The following SPATA13 variants were observed in gnomAD, a reference collection of about 807,000 sequenced individuals.
SPATA13 encodes spermatogenesis-associated protein 13.
A neutral mutation model predicts 104.0 loss-of-function variants in SPATA13; 50 were observed. The ratio of observed to expected loss-of-function variants is 0.48; its 90% CI spans 0.38 to 0.61. SPATA13 has a LOEUF of 0.61. Among genes scored for constraint, SPATA13 ranks in the 20% least tolerant of loss-of-function variants. The probability of loss-of-function intolerance (pLI) is 0.00; values close to 1 mark genes in which losing one functional copy is unlikely to be tolerated. For synonymous variants in SPATA13, 606 were observed against 667.5 expected (o/e 0.91, Z 1.42); for missense variants, 1,524 against 1,690.6 (o/e 0.90, Z 1.73).
chr13:24,252,548 A>G (rs1873552396), intron 4 of SPATA13, among the ~76,000 whole-genome samples: 1 of 152,198 alleles, frequency 6.6e-6, no homozygotes. Context: ...ATGGCAGAAG[A>G]TTTTGAAAGA....
intron 3 of SPATA13, among the ~76,000 whole-genome samples, chr13:24,055,123 T>C (rs937121096): frequency 7.2e-5 from 11 of 152,354 alleles, no homozygotes; most frequent in Middle Eastern, 3.4e-3. Flanking sequence ...GCTTTACATA[T>C]ATGGCACAGA....
intron 4 of SPATA13, among the ~76,000 whole-genome samples, chr13:24,263,982 A>G (rs941578997): frequency 1.3e-5 from 2 of 152,248 alleles, no homozygotes; most frequent in Non-Finnish European, 2.9e-5. Flanking sequence ...TATGGCCTTT[A>G]GTGCCCAAAA....
chr13:24,122,021 C>T, intron 3 of SPATA13: 2 of 1,344,588 alleles, frequency 1.5e-6, no homozygotes, highest in South Asian at 2.3e-5. Flanking sequence ...AGGACGAACA[C>T]AAGCTCTTCA....
intron 3 of SPATA13, among the ~76,000 whole-genome samples, chr13:24,134,859 G>A (rs899984194): frequency 2.0e-5 from 3 of 152,208 alleles, no homozygotes; most frequent in African/African-American, 7.2e-5. Context: ...ACGTCAGGAT[G>A]TGACCTTATT....
intron 1 of SPATA13, among the ~76,000 whole-genome samples, chr13:24,192,281 A>G (rs967039425): frequency 9.9e-5 from 15 of 152,154 alleles, no homozygotes; most frequent in Non-Finnish European, 1.3e-4. Context: ...TCAAAAGCAC[A>G]TTCTAAGTTA....
At position 24,247,947 on chromosome 13, in the gene SPATA13, C is replaced by T. The variant is rs573860459; in HGVS notation, c.1654-1530C>T. On this transcript the variant is annotated intron_variant, in intron 2 of 12. Coordinates refer to ENST00000382108, the MANE Select transcript of SPATA13 (RefSeq NM_001166271.3). ...TCTCAAGGAGGGAGCCGGTGGGCTG[C>T]GGCACAAGCTCTGTGAGCTCCCAGG... 1.1e-3 allele frequency among the ~76,000 whole-genome samples: 164 copies of T among 152,274 alleles called. 1 individual carries two copies. Among genetic ancestry groups the T allele is most frequent in the African/African-American group, 3.8e-3 (157 of 41,566 alleles).
chr13:24,185,140 C>T (rs776200283), intron 1 of SPATA13, among the ~76,000 whole-genome samples: 5 of 152,174 alleles, frequency 3.3e-5, no homozygotes, highest in Non-Finnish European at 7.3e-5. Flanking sequence ...GCCACCTTTC[C>T]TAATCATAAG....
intron 3 of SPATA13, among the ~76,000 whole-genome samples, chr13:24,030,341 T>G (rs992948822): frequency 2.0e-5 from 3 of 152,186 alleles, no homozygotes; most frequent in African/African-American, 7.2e-5. Context: ...TTTTATTTGG[T>G]AAAACTGAAA....
At chr13:24,042,972 G>A (rs1486774735) in intron 3 of SPATA13, among the ~76,000 whole-genome samples, 1 of 152,202 alleles carries the variant, frequency 6.6e-6, no homozygotes, top group African/African-American at 2.4e-5. Context: ...ATCCTCAAGT[G>A]GCCTGGGTTG....
intron 12 of SPATA13, among the ~76,000 whole-genome samples, chr13:24,301,564 C>T (rs1243153474): frequency 2.6e-5 from 4 of 152,220 alleles, no homozygotes; most frequent in Non-Finnish European, 2.9e-5. Flanking sequence ...TTCTCAAGAA[C>T]GGAAGGACTG....
chr13:24,144,903 C>T (rs937445265), intron 3 of SPATA13, among the ~76,000 whole-genome samples: 3 of 152,190 alleles, frequency 2.0e-5, no homozygotes, highest in Admixed American at 6.5e-5. Context: ...ATGCTGCCCA[C>T]TTTCCAATAA....
At position 24,290,810 on chromosome 13, in the gene SPATA13, C is replaced by T; in HGVS notation, c.3006C>T (p.Leu1002=). Residue 1002 remains leucine (L), a synonymous_variant, in exon 9 of 13, where the codon CTC becomes CTT. Transcript: ENST00000382108. ...ACATCGCCATCGACGGGTTCCTGCT[C>T]ACACCAGTGCAGAAGATCTGCAAAT... ...MIDIAIDGFL[L]TPVQKICKYP... 2 of 1,614,194 alleles carry T rather than the reference C, an allele frequency of 1.2e-6. No homozygotes were observed. Among genetic ancestry groups the T allele is most frequent in the South Asian group, 1.1e-5 (1 of 91,072 alleles).
At chr13:24,284,798 T>C (rs537973318) in intron 5 of SPATA13, among the ~76,000 whole-genome samples, 202 of 152,330 alleles carry the variant, frequency 1.3e-3, no homozygotes, top group Non-Finnish European at 2.1e-3. Context: ...CGGCCAGTGC[T>C]TTCCACTTGA....
At chr13:24,177,763 G>A (rs906533366) in intron 1 of SPATA13, among the ~76,000 whole-genome samples, 1 of 151,494 alleles carries the variant, frequency 6.6e-6, no homozygotes, top group African/African-American at 2.4e-5. Context: ...TTTTAATAAG[G>A]GCTCTAATCC....
chr13:24,138,750 ATTTTT>A (rs11354139), intron 3 of SPATA13, among the ~76,000 whole-genome samples: 2 of 112,630 alleles, frequency 1.8e-5, no homozygotes, highest in Admixed American at 9.4e-5. Flanking sequence ...CCCCTGGCTA[ATTTTT>A]TTTTTTTTTT....
At chr13:24,264,259 G>A (rs978873031) in intron 4 of SPATA13, among the ~76,000 whole-genome samples, 2 of 152,010 alleles carry the variant, frequency 1.3e-5, no homozygotes, top group Non-Finnish European at 2.9e-5. Flanking sequence ...TTATTACTAA[G>A]CTTCAGAAAT....
At chr13:23,992,542 G>A (rs1452479542) in intron 2 of SPATA13, among the ~76,000 whole-genome samples, 1 of 152,164 alleles carries the variant, frequency 6.6e-6, no homozygotes, top group Non-Finnish European at 1.5e-5. Context: ...TATCTTTGAT[G>A]TGTGATTTCC....
chr13:24,302,471 A>G, intron 12 of SPATA13, 127 bp from the exon 13 acceptor site: 1 of 290,882 alleles, frequency 3.4e-6, no homozygotes, highest in East Asian at 1.1e-4. Flanking sequence ...AAAAAAAAAA[A>G]AAAAAAAAAA....
intron 3 of SPATA13, among the ~76,000 whole-genome samples, chr13:24,130,990 G>A (rs911325043): frequency 1.1e-4 from 16 of 152,164 alleles, no homozygotes; most frequent in South Asian, 1.0e-3. Flanking sequence ...TGGCTTCATC[G>A]TGATTCACTT....
Sources: allele counts gnomAD v4.1 joint callset (sites outside exome capture counted in the v4.1 genomes callset), GRCh38; gene constraint gnomAD v4.1.1; transcripts MANE v1.5; gene names NCBI Gene and HGNC (gene_info 2026-07-23, HGNC 2026-07-21).